The following FYB1 variants were observed in gnomAD, a reference collection of about 807,000 sequenced individuals.
FYB1 encodes FYN-binding protein 1.
In FYB1, 41 loss-of-function variants were observed where a neutral mutation model predicts 94.1. The ratio of observed to expected loss-of-function variants is 0.44; its 90% confidence interval spans 0.34 to 0.57. The LOEUF (loss-of-function observed/expected upper bound fraction) is 0.57, where lower values mean the gene tolerates loss of function less well. Among genes scored for constraint, FYB1 ranks in the 20% least tolerant of loss-of-function variants. The pLI is 0.02. For synonymous variants in FYB1, 367 were observed against 353.2 expected, an observed-to-expected ratio of 1.04 and a Z score of -0.44; for missense variants, 1,050 against 976.8, an observed-to-expected ratio of 1.07 and a Z score of -1.00.
intron 1 of FYB1, 130 bp from the exon 2 acceptor site, chr5:39,203,117 A>G: frequency 1.4e-6 from 1 of 721,050 alleles, no homozygotes; most frequent in South Asian, 2.0e-5. Flanking sequence ...AGATATTGTA[A>G]CATTTATCTT....
At chr5:39,162,241 G>A (rs1744318724) in intron 2 of FYB1, among the ~76,000 whole-genome samples, 1 of 152,128 alleles carries the variant, frequency 6.6e-6, no homozygotes, top group South Asian at 2.1e-4. Context: ...ACCTTCTGAG[G>A]AACTCTGGAT....
At chr5:39,169,632 G>T (rs1031462034) in intron 2 of FYB1, 4 of 446,362 alleles carry the variant, frequency 9.0e-6, no homozygotes, top group African/African-American at 2.0e-5. Flanking sequence ...ATTACCTGAG[G>T]TCAGGAGTTC....
intron 3 of FYB1, among the ~76,000 whole-genome samples, chr5:39,152,085 A>G (rs948463231): frequency 1.9e-5 from 1 of 54,040 alleles, no homozygotes; most frequent in Non-Finnish European, 3.9e-5. Flanking sequence ...CACTATACAT[A>G]TTTTCCCTTT....
intron 2 of FYB1, among the ~76,000 whole-genome samples, chr5:39,196,235 G>A (rs1272782205): frequency 2.0e-5 from 3 of 146,864 alleles, no homozygotes; most frequent in Non-Finnish European, 4.5e-5. Context: ...TTTGAGATAG[G>A]GTTCGCTTTG....
intron 2 of FYB1, among the ~76,000 whole-genome samples, chr5:39,155,321 T>TC (rs1484903958): frequency 6.6e-6 from 1 of 152,198 alleles, no homozygotes; most frequent in Non-Finnish European, 1.5e-5. Flanking sequence ...TAAAATCTGC[T>TC]CAGGCCCTGC....
At chr5:39,258,362 G>A (rs1168174943) in intron 1 of FYB1, among the ~76,000 whole-genome samples, 1 of 152,182 alleles carries the variant, frequency 6.6e-6, no homozygotes, top group African/African-American at 2.4e-5. Context: ...CACTTTGGAA[G>A]GCTGAGGTAG....
At chr5:39,153,304 G>T in intron 3 of FYB1, 144 bp downstream of exon 3, 2 of 976,808 alleles carry the variant, frequency 2.0e-6, no homozygotes, top group Non-Finnish European at 3.2e-6. Context: ...AGCTCGGCCA[G>T]CTCAGCCAGC....
intron 6 of FYB1, 130 bp from the exon 7 acceptor site, chr5:39,137,850 G>T: frequency 2.4e-6 from 3 of 1,239,990 alleles, no homozygotes; most frequent in South Asian, 2.8e-5. Context: ...AAAAGCGAAA[G>T]GTTGTCAAAA....
chr5:39,196,208 CTTTTT>C (rs5867445), intron 2 of FYB1, among the ~76,000 whole-genome samples: 2 of 128,296 alleles, frequency 1.6e-5, no homozygotes, highest in Middle Eastern at 4.2e-3. Context: ...ATAATTCTTT[CTTTTT>C]TTTTTTTTTT....
intron 1 of FYB1, among the ~76,000 whole-genome samples, chr5:39,212,518 G>T (rs1168355918): frequency 6.6e-6 from 1 of 152,066 alleles, no homozygotes; most frequent in Non-Finnish European, 1.5e-5. Flanking sequence ...CCTCCCCCTT[G>T]TTCCCATTCC....
intron 16 of FYB1, 72 bp downstream of exon 16, chr5:39,118,802 T>G: frequency 9.8e-7 from 1 of 1,020,272 alleles, no homozygotes. Flanking sequence ...GAGTAGTCAC[T>G]AAAACTTGTT....
intron 2 of FYB1, chr5:39,169,480 T>C (rs2150394681): frequency 1.5e-6 from 1 of 676,282 alleles, no homozygotes; most frequent in South Asian, 1.4e-5. Context: ...ATTTCAGACA[T>C]ATTAATCGAA....
intron 1 of FYB1, chr5:39,213,143 A>T (rs966590321): frequency 1.5e-4 from 23 of 152,052 alleles, no homozygotes; most frequent in African/African-American, 5.3e-4. Flanking sequence ...TTAAAATAAC[A>T]TTTCACATAT....
At position 39,107,409 on chromosome 5, in the gene FYB1, C is replaced by T. The variant is rs1371983993; in HGVS notation, c.*34G>A. ...TAAAATCCAGACTTCACATTGGCAC[C>T]TAATGAACACAGCAGAATGACCAAA... On this transcript the variant is annotated 3_prime_UTR_variant, in exon 19 of 19. Transcript: ENST00000512982. 1 of 1,479,158 alleles carries T rather than the reference C, an allele frequency of 6.8e-7. No individual in the cohort carries two copies. The highest frequency in any genetic ancestry group is 9.1e-7 in the Non-Finnish European group (1 of 1,103,834). The allele number at this position is 1,479,158 out of a possible 1,614,324, so 91.6% of individuals were successfully genotyped here.
chr5:39,255,167 G>T (rs1751881787), intron 1 of FYB1, among the ~76,000 whole-genome samples: 1 of 152,096 alleles, frequency 6.6e-6, no homozygotes, highest in Non-Finnish European at 1.5e-5. Flanking sequence ...GTTTATTGTG[G>T]ATATTTCATT....
chr5:39,196,271 C>T (rs1468881585), intron 2 of FYB1, among the ~76,000 whole-genome samples: 1 of 143,378 alleles, frequency 7.0e-6, no homozygotes, highest in Non-Finnish European at 1.5e-5. Flanking sequence ...TGCAGTGGTG[C>T]AATCTCGGCT....
upstream of FYB1, among the ~76,000 whole-genome samples, chr5:39,220,552 T>C (rs1750200075): frequency 6.6e-6 from 1 of 151,916 alleles, no homozygotes; most frequent in Non-Finnish European, 1.5e-5. Flanking sequence ...GAGGCTACCA[T>C]TGGGACTAAA....
At chr5:39,211,172 T>G (rs531804609) in intron 1 of FYB1, 15 of 152,316 alleles carry the variant, frequency 9.8e-5, no homozygotes, top group African/African-American at 3.6e-4. Context: ...AAAAATGTTT[T>G]CATAGATATC....
intron 3 of FYB1, among the ~76,000 whole-genome samples, chr5:39,148,161 ATATAT>A (rs1742889980): frequency 1.5e-4 from 1 of 6,620 alleles, no homozygotes; most frequent in Admixed American, 1.3e-3. Flanking sequence ...TTTTTTATAT[ATATAT>A]ATATATATAT....
Sources: gnomAD v4.1 joint callset for allele counts (sites outside exome capture counted in the v4.1 genomes callset) on GRCh38, gnomAD v4.1.1 for gene constraint, MANE v1.5 for transcripts, NCBI Gene and HGNC (gene_info 2026-07-23, HGNC 2026-07-21) for gene names.